SEC23A: variants seen among roughly 807,000 people sequenced by gnomAD.
SEC23A encodes protein transport protein Sec23A.
In SEC23A, 56 loss-of-function variants were observed where a neutral mutation model predicts 103.7. The observed-to-expected ratio is 0.54, with a 90% CI of 0.44 to 0.67. The LOEUF is 0.67. SEC23A is among the 30% of genes least tolerant of loss of function. The pLI, the probability that SEC23A is intolerant of heterozygous loss-of-function variation, is 0.00. For synonymous variants in SEC23A, 281 were observed against 293.0 expected (o/e 0.96, Z 0.42); for missense variants, 784 against 936.4 (o/e 0.84, Z 2.12).
Position 39,060,205 on chromosome 14 carries a change from A to C in SEC23A, c.1505+1560T>G, listed in dbSNP as rs552412352. ...CTTATCTGAAATCTGAATAAATCTA[A>C]GGGAAGGTTCAGCTGACATTTTTTC... is the stretch of plus-strand genomic sequence containing the variant. On this transcript the variant is annotated intron_variant, in intron 13 of 19. Transcript: ENST00000307712. 2.8e-4 allele frequency among the ~76,000 whole-genome samples: 43 copies of C among 152,290 alleles called. 1 individual carries two copies. In the South Asian group the frequency reaches 8.7e-3, roughly 31 times the overall value.
At chr14:39,098,356 T>C (rs1887965046) in intron 1 of SEC23A, among the ~76,000 whole-genome samples, 1 of 152,154 alleles carries the variant, frequency 6.6e-6, no homozygotes, top group Non-Finnish European at 1.5e-5. Flanking sequence ...TCTAAGACTA[T>C]GCAAACCTCT....
At chr14:39,044,223 T>A (rs1245880422) in intron 16 of SEC23A, among the ~76,000 whole-genome samples, 2 of 152,112 alleles carry the variant, frequency 1.3e-5, no homozygotes, top group African/African-American at 4.8e-5. Flanking sequence ...CTAGGGACAG[T>A]GGGATTCCAA....
intron 1 of SEC23A, among the ~76,000 whole-genome samples, chr14:39,100,416 CTT>C (rs11427769): frequency 2.8e-5 from 4 of 143,880 alleles, no homozygotes; most frequent in African/African-American, 2.6e-5. Context: ...GCCAACTTAA[CTT>C]TTTTTTTTTT....
intron 14 of SEC23A, among the ~76,000 whole-genome samples, chr14:39,050,914 C>A (rs1260100624): frequency 6.6e-6 from 1 of 152,196 alleles, no homozygotes; most frequent in Non-Finnish European, 1.5e-5. Context: ...TGTGTGGATA[C>A]CAGTATCTTA....
intron 14 of SEC23A, 62 bp from the exon 15 acceptor site, chr14:39,048,791 A>G (rs765173519): frequency 3.9e-5 from 34 of 865,954 alleles, no homozygotes; most frequent in Middle Eastern, 5.9e-4. Flanking sequence ...ACTGTTGCCT[A>G]TAAATATTCT....
intron 18 of SEC23A, chr14:39,039,963 G>A (rs991187425): frequency 8.5e-5 from 13 of 152,114 alleles, no homozygotes. Flanking sequence ...AAAACTAATA[G>A]TAATTATCAT....
chr14:39,059,555 A>G (rs1027137526), intron 13 of SEC23A, among the ~76,000 whole-genome samples: 2 of 152,136 alleles, frequency 1.3e-5, no homozygotes, highest in Non-Finnish European at 1.5e-5. Flanking sequence ...TTCAAACATA[A>G]AGACAGTAAG....
rs1005731595 is a variant in SEC23A, at chr14:39,103,140, C to G, written c.-130G>C. 1.3e-5 allele frequency: 2 copies of G among 152,120 alleles called. No homozygotes were observed. The highest frequency in any genetic ancestry group is 4.8e-5 in the African/African-American group (2 of 41,364). The allele number at this position is 152,120 out of a possible 1,614,324, so 9.4% of individuals were successfully genotyped here. A position where few individuals can be genotyped will look rare whatever the true frequency, so the allele number is the denominator to read the frequency against. On this transcript the variant is annotated 5_prime_UTR_variant, in exon 1 of 20. Transcript: ENST00000307712. ...ATCTGTCCTCTCCGCCCAGCAGGAG[C>G]AGTCCGTGGCACCGCAATCAGGGGT...
intron 1 of SEC23A, among the ~76,000 whole-genome samples, chr14:39,097,144 C>G (rs1295618067): frequency 6.6e-6 from 1 of 152,192 alleles, no homozygotes; most frequent in Non-Finnish European, 1.5e-5. Flanking sequence ...TTTAAGTTTA[C>G]TAACCAAGGG....
chr14:39,086,194 T>C (rs1470979730), intron 6 of SEC23A, among the ~76,000 whole-genome samples: 1 of 152,198 alleles, frequency 6.6e-6, no homozygotes, highest in Non-Finnish European at 1.5e-5. Flanking sequence ...AGAAACCACA[T>C]TTTGAATACA....
intron 15 of SEC23A, among the ~76,000 whole-genome samples, chr14:39,046,704 C>T (rs1204416816): frequency 6.6e-6 from 1 of 152,184 alleles, no homozygotes; most frequent in Non-Finnish European, 1.5e-5. Context: ...GCTTCTTTCT[C>T]CTTTCACTTT....
intron 13 of SEC23A, among the ~76,000 whole-genome samples, chr14:39,057,717 C>A (rs561352082): frequency 3.3e-5 from 5 of 152,194 alleles, no homozygotes; most frequent in Admixed American, 6.5e-5. Context: ...TGTGCCCACA[C>A]ACATAGATAT....
Position 39,048,731 on chromosome 14 carries a change from TAAATA to T in SEC23A, c.1660-7_1660-3del, listed in dbSNP as rs1885936661. The T allele has an allele frequency of 1.4e-6, 2 of 1,425,424 alleles. No homozygotes were observed. Among genetic ancestry groups the T allele is most frequent in the East Asian group, 2.3e-5 (1 of 44,034 alleles). The allele number at this position is 1,425,424 out of a possible 1,614,324, so 88.3% of individuals were successfully genotyped here. A position where few individuals can be genotyped will look rare whatever the true frequency, so the allele number is the denominator to read the frequency against. On this transcript the variant is annotated splice_polypyrimidine_tract_variant and splice_region_variant and intron_variant, in intron 14 of 19. Transcript: ENST00000307712. ...ATGATATTCTCCAAATTTCTGACAC[TAAATA>T]AAATAAAATGTGTTAGTAATTTATT...
intron 7 of SEC23A, among the ~76,000 whole-genome samples, chr14:39,083,954 C>T (rs781413969): frequency 1.2e-4 from 18 of 152,162 alleles, no homozygotes; most frequent in Non-Finnish European, 2.4e-4. Context: ...TATTTATACA[C>T]TTCTTGCATC....
rs755439222 is a variant in SEC23A, at chr14:39,033,221, TTTAACA to T, written c.*12_*17del. On this transcript the variant is annotated 3_prime_UTR_variant, in exon 20 of 20. Transcript: ENST00000307712. ...ATATTATTTCATCTTCTTAAGTGTCTTTAACATTATTAGCACTTCAAGCAGCACTGG... is the reference window on the plus strand; with the variant it reads ...ATATTATTTCATCTTCTTAAGTGTCTTTATTAGCACTTCAAGCAGCACTGG... The T allele has an allele frequency of 2.6e-6, 4 of 1,560,466 alleles. No individual in the cohort carries two copies. In the East Asian group the frequency reaches 9.0e-5, roughly 35 times the overall value.
In SEC23A at chr14:39,092,580, T is replaced by A; in HGVS notation, c.327A>T (p.Glu109Asp). The A allele has an allele frequency of 6.2e-7, 1 of 1,612,054 alleles. No homozygotes were observed. The highest frequency in any genetic ancestry group is 8.5e-7 in the Non-Finnish European group (1 of 1,178,710). The change falls in exon 4 of 20, where the codon GAA becomes GAT. Residue 109 changes from glutamate to aspartate, a missense_variant. This residue lies in a region of SEC23A where 683 missense variants were observed against 774.2 expected (regional missense o/e 0.88). Coordinates refer to ENST00000307712, the MANE Select transcript of SEC23A (RefSeq NM_006364.4). ...CAATGCTAGAAAACTGAGGTAAAAG[T>A]TCAGCAGGCTGATTCAGTTCAGATA... Reference protein sequence around the residue: ...AGISELNQPAELLPQFSSIEY... With the variant: ...AGISELNQPADLLPQFSSIEY...
rs148593149 is a variant in SEC23A at position 39,051,398 on chromosome 14, G to A, written c.1660-2669C>T. 5.3e-5 allele frequency among the ~76,000 whole-genome samples: 8 copies of A among 152,326 alleles called. No individual in the cohort carries two copies. The East Asian group carries it at 1.5e-3, about 29-fold the overall frequency. On this transcript the variant is annotated intron_variant, in intron 14 of 19. Coordinates refer to ENST00000307712, the MANE Select transcript of SEC23A (RefSeq NM_006364.4). ...CAACTGCCCTGCTGCTGTTGTAAAT[G>A]CTGCAGAATGTAGAATGTGTAGATT...
At chr14:39,060,811 C>T (rs2139223951) in intron 13 of SEC23A, among the ~76,000 whole-genome samples, 1 of 152,302 alleles carries the variant, frequency 6.6e-6, no homozygotes, top group African/African-American at 2.4e-5. Flanking sequence ...GAAAATCTAT[C>T]ACAAAGATAG....
intron 15 of SEC23A, among the ~76,000 whole-genome samples, chr14:39,048,207 C>A (rs1454676690): frequency 6.6e-6 from 1 of 152,078 alleles, no homozygotes; most frequent in Non-Finnish European, 1.5e-5. Context: ...ACTCGTAGCA[C>A]AATATTAATT....
Sources: gnomAD v4.1 joint callset for allele counts (sites outside exome capture counted in the v4.1 genomes callset) on GRCh38, gnomAD v4.1.1 for gene constraint, gnomAD v4.1.1 regional missense constraint, MANE v1.5 for transcripts, NCBI Gene and HGNC (gene_info 2026-07-23, HGNC 2026-07-21) for gene names.